CELF2: variants seen among roughly 807,000 people sequenced by gnomAD.
The protein encoded by CELF2 is CUGBP Elav-like family member 2, also known as CUG triplet repeat RNA-binding protein 2.
CELF2 carries 8 observed loss-of-function variants against 62.6 expected under a neutral mutation model. That is an observed-to-expected ratio of 0.13 (90% CI 0.07 to 0.23). CELF2 has a LOEUF of 0.23. CELF2 is among the 10% of genes least tolerant of loss of function. CELF2 has a pLI of 1.00. For synonymous variants in CELF2, 258 were observed against 250.0 expected (o/e 1.03, Z -0.30); for missense variants, 333 against 671.0 (o/e 0.50, Z 5.56).
chr10:10,823,922 A>T (rs1466938585), intron 1 of CELF2, among the ~76,000 whole-genome samples: 1 of 152,146 alleles, frequency 6.6e-6, no homozygotes, highest in Admixed American at 6.5e-5. Context: ...GTGTGGATAG[A>T]TGGGTAGATA....
chr10:11,291,532 T>C (rs147713769), intron 9 of CELF2, among the ~76,000 whole-genome samples: 16 of 152,354 alleles, frequency 1.1e-4, no homozygotes, highest in Admixed American at 3.3e-4. Flanking sequence ...TGAATAAAAT[T>C]AGAAATTAAA....
chr10:10,906,717 CTTTTTT>C (rs397846553), intron 1 of CELF2, among the ~76,000 whole-genome samples: 21 of 109,286 alleles, frequency 1.9e-4, no homozygotes, highest in East Asian at 5.4e-4. Flanking sequence ...TTTTTCTTTT[CTTTTTT>C]TTTTTTTTTT....
At chr10:11,249,002 T>G in intron 3 of CELF2, 151 bp from the exon 4 acceptor site, 1 of 628,960 alleles carries the variant, frequency 1.6e-6, no homozygotes, top group Admixed American at 2.8e-5. Flanking sequence ...AATACAGGCT[T>G]ACTTTTTAAC....
At chr10:11,078,689 G>A (rs745786067) in intron 1 of CELF2, among the ~76,000 whole-genome samples, 17 of 152,168 alleles carry the variant, frequency 1.1e-4, no homozygotes, top group African/African-American at 3.6e-4. Context: ...AAGAGTGGGC[G>A]GTTCTTTCTC....
intron 1 of CELF2, among the ~76,000 whole-genome samples, chr10:11,019,873 TCTC>T (rs1033684747): frequency 2.6e-5 from 4 of 152,206 alleles, no homozygotes; most frequent in African/African-American, 7.2e-5. Context: ...TTATGCGTTT[TCTC>T]CTCTAGAGGC....
At chr10:11,036,645 CT>C (rs2060995753) in intron 1 of CELF2, among the ~76,000 whole-genome samples, 2 of 152,176 alleles carry the variant, frequency 1.3e-5, no homozygotes, top group South Asian at 4.1e-4. Context: ...GTATTGATCC[CT>C]TTTAGCCTCC....
At chr10:10,611,514 C>T in the CELF2 span, among the ~76,000 whole-genome samples, 1 of 152,288 alleles carries the variant, frequency 6.6e-6, no homozygotes, top group East Asian at 1.9e-4. Flanking sequence ...AATGACTACA[C>T]AGTCGTAATA....
rs1475574964 is a variant in CELF2 at position 11,157,296 on chromosome 10, T to A, written c.75-8190T>A. On this transcript the variant is annotated intron_variant, in intron 1 of 12. Coordinates refer to ENST00000633077, the MANE Select transcript of CELF2 (RefSeq NM_001326342.2). The surrounding 1 kb of genome is among the most constrained non-coding windows in gnomAD (Gnocchi z 4.9). ...AGCTCCCTTCCTTGTTAGAGCCGCC[T>A]TTTTCTCCCCAGTTTTTTGTTTCGT... Among the ~76,000 whole-genome samples, 1 of 152,120 alleles carries A rather than the reference T, an allele frequency of 6.6e-6. No homozygotes were observed. The highest frequency in any genetic ancestry group is 1.5e-5 in the Non-Finnish European group (1 of 68,028).
intron 1 of CELF2, among the ~76,000 whole-genome samples, chr10:11,123,106 C>T (rs2058074732): frequency 6.6e-6 from 1 of 152,116 alleles, no homozygotes; most frequent in African/African-American, 2.4e-5. Context: ...CCCAGCTCTC[C>T]AGTTGTGTGT....
intron 1 of CELF2, among the ~76,000 whole-genome samples, chr10:10,800,995 T>C (rs1243117453): frequency 2.0e-5 from 3 of 152,306 alleles, no homozygotes; most frequent in African/African-American, 7.2e-5. Context: ...AGAATGTATA[T>C]GACTACGGTT....
chr10:10,612,265 G>A, the CELF2 span, among the ~76,000 whole-genome samples: 2 of 152,232 alleles, frequency 1.3e-5, no homozygotes, highest in East Asian at 3.9e-4. Context: ...CCATCTTTTG[G>A]TTTTGGTCAA....
Position 11,217,062 on chromosome 10 carries a change from A to C in CELF2, c.272-363A>C, listed in dbSNP as rs2063537570. Among the ~76,000 whole-genome samples the C allele has an allele frequency of 6.6e-6, 1 of 152,214 alleles. No individual in the cohort carries two copies. Among genetic ancestry groups the C allele is most frequent in the African/African-American group, 2.4e-5 (1 of 41,442 alleles). On this transcript the variant is annotated intron_variant, in intron 2 of 12. Coordinates refer to ENST00000633077, the MANE Select transcript of CELF2 (RefSeq NM_001326342.2). The surrounding 1 kb of genome is among the most constrained non-coding windows in gnomAD (Gnocchi z 5.6). ...ACTTTAAGAAAATTATAATTAATGT[A>C]AGCTTGTGCTGTTGTTATTGTGATT... is the stretch of plus-strand genomic sequence containing the variant.
At chr10:10,847,683 C>A (rs2059106266) in intron 1 of CELF2, among the ~76,000 whole-genome samples, 1 of 152,206 alleles carries the variant, frequency 6.6e-6, no homozygotes, top group Admixed American at 6.5e-5. Context: ...TTGTGCAGAG[C>A]AGAGTGTCTG....
Position 11,309,035 on chromosome 10 carries a change from T to C in CELF2, c.977-5104T>C, listed in dbSNP as rs924689659. Among the ~76,000 whole-genome samples, 3 of 152,264 alleles carry C rather than the reference T, an allele frequency of 2.0e-5. No individual in the cohort carries two copies. The highest frequency in any genetic ancestry group is 2.1e-4 in the South Asian group (1 of 4,830). On this transcript the variant is annotated intron_variant, in intron 9 of 12. Transcript: ENST00000633077. The surrounding 1 kb of genome is among the most constrained non-coding windows in gnomAD (Gnocchi z 5.6). ...TGATGAAACATTGTAATTACACTTA[T>C]AATCCTTTAGGCATGATTTTTTAGA...
At chr10:11,288,643 C>T (rs112128866) in intron 9 of CELF2, 91 bp downstream of exon 9, 53 of 1,449,472 alleles carry the variant, frequency 3.7e-5, no homozygotes, top group African/African-American at 2.2e-4. Context: ...TGAGGCTAGA[C>T]GTGTCCAGGA....
rs537565233 is a variant in CELF2, at chr10:11,180,602, C to T, written c.271+14920C>T. Among the ~76,000 whole-genome samples, 24 of 152,192 alleles carry T rather than the reference C, an allele frequency of 1.6e-4. No homozygotes were observed. In the South Asian group the frequency reaches 1.9e-3, roughly 12 times the overall value. Reference sequence around the variant, plus strand: ...ACAGCTCTGGGTATAGCCTGCCATCCGAGCAGATGAGCCTTTCAGTGACAG... The same window carrying T: ...ACAGCTCTGGGTATAGCCTGCCATCTGAGCAGATGAGCCTTTCAGTGACAG... On this transcript the variant is annotated intron_variant, in intron 2 of 12. Coordinates refer to ENST00000633077, the MANE Select transcript of CELF2 (RefSeq NM_001326342.2).
the CELF2 span, among the ~76,000 whole-genome samples, chr10:10,503,733 A>C: frequency 6.6e-6 from 1 of 151,866 alleles, no homozygotes; most frequent in Non-Finnish European, 1.5e-5. Flanking sequence ...TTTTAATGTA[A>C]TTACTAATTT....
chr10:10,703,961 A>G, the CELF2 span, among the ~76,000 whole-genome samples: 147 of 152,326 alleles, frequency 9.7e-4, 1 homozygote, highest in African/African-American at 3.5e-3. Context: ...TAAAGACAAA[A>G]TATTCCAATA....
the CELF2 span, among the ~76,000 whole-genome samples, chr10:10,609,242 C>T: frequency 7.2e-5 from 11 of 152,264 alleles, no homozygotes; most frequent in Admixed American, 2.0e-4. Flanking sequence ...AGGTACAATC[C>T]AGTCATTTTA....
Sources: gnomAD v4.1 joint callset for allele counts (sites outside exome capture counted in the v4.1 genomes callset) on GRCh38, gnomAD v4.1.1 for gene constraint, Gnocchi (gnomAD v3.1) non-coding constraint, MANE v1.5 for transcripts, NCBI Gene and HGNC (gene_info 2026-07-23, HGNC 2026-07-21) for gene names.